The following KIAA1217 variants were observed in gnomAD, a reference collection of about 807,000 sequenced individuals.
The protein encoded by KIAA1217 is sickle tail protein homolog.
KIAA1217 carries 88 observed loss-of-function variants against 163.9 expected under a neutral mutation model. The ratio of observed to expected loss-of-function variants is 0.54; its 90% CI spans 0.45 to 0.64. KIAA1217 has a LOEUF of 0.64. Ranked by LOEUF, KIAA1217 falls within the 30% of genes least tolerant of loss-of-function variation. The probability of loss-of-function intolerance (pLI) is 0.00; values close to 1 mark genes in which losing one functional copy is unlikely to be tolerated. For missense variants in KIAA1217, 2,372 were observed against 2,475.0 expected, an observed-to-expected ratio of 0.96 and a Z score of 0.88; for synonymous variants, 903 against 923.1, an observed-to-expected ratio of 0.98 and a Z score of 0.39.
chr10:24,385,552 A>T (rs1040129701), intron 3 of KIAA1217, among the ~76,000 whole-genome samples: 1 of 152,156 alleles, frequency 6.6e-6, no homozygotes, highest in Admixed American at 6.6e-5. Flanking sequence ...AGAGCCTAGA[A>T]ATTTACAAAG....
chr10:24,124,951 G>A (rs1362598824), intron 2 of KIAA1217, among the ~76,000 whole-genome samples: 3 of 152,136 alleles, frequency 2.0e-5, no homozygotes, highest in African/African-American at 7.2e-5. Context: ...TGTTTTTACA[G>A]CATTAGATTT....
At chr10:24,172,505 G>C (rs926069687) in intron 2 of KIAA1217, among the ~76,000 whole-genome samples, 1 of 152,272 alleles carries the variant, frequency 6.6e-6, no homozygotes, top group Non-Finnish European at 1.5e-5. Flanking sequence ...CCTTAGAAAA[G>C]TTGCTTAGCC....
intron 2 of KIAA1217, among the ~76,000 whole-genome samples, chr10:24,359,810 G>A (rs2049701648): frequency 2.0e-5 from 3 of 151,894 alleles, no homozygotes; most frequent in Non-Finnish European, 4.4e-5. Context: ...AGGTCTTTGA[G>A]GCTTTATATT....
At position 24,040,557 on chromosome 10, in the gene KIAA1217, T is replaced by C. The variant is rs957574079; in HGVS notation, c.-171+33183T>C. 6.6e-5 allele frequency among the ~76,000 whole-genome samples: 10 copies of C among 152,232 alleles called. 2 individuals are homozygous for C. The highest frequency in any genetic ancestry group is 6.5e-4 in the Admixed American group (10 of 15,280). ...AGTAAAAGGGCTAGCTTAAATTTTG[T>C]AGTTATGCTTTACTAAATTTAATGG... On this transcript the variant is annotated intron_variant, in intron 2 of 18. Coordinates refer to the KIAA1217 transcript ENST00000376462.
intron 3 of KIAA1217, among the ~76,000 whole-genome samples, chr10:24,414,588 A>G (rs1477424636): frequency 6.6e-6 from 1 of 152,190 alleles, no homozygotes; most frequent in Non-Finnish European, 1.5e-5. Context: ...CTACCTCTGT[A>G]TGTAATGGGG....
In KIAA1217 at chr10:23,969,285, C is replaced by T. The variant is rs189216457; in HGVS notation, c.-320-37940C>T. ...TCCCGACCTTTGGTCGTCCACCTGCCTCGCCTCCCCAAGTGCTGGGATTAT... is the reference window on the plus strand; with the variant it reads ...TCCCGACCTTTGGTCGTCCACCTGCTTCGCCTCCCCAAGTGCTGGGATTAT... On this transcript the variant is annotated intron_variant, in intron 1 of 18. Transcript: ENST00000376462. Among the ~76,000 whole-genome samples, 239 of 152,320 alleles carry T rather than the reference C, an allele frequency of 1.6e-3. 2 individuals carry two copies. Among genetic ancestry groups the T allele is most frequent in the African/African-American group, 4.2e-3 (176 of 41,580 alleles).
At chr10:24,054,704 T>A (rs1226021055) in intron 2 of KIAA1217, among the ~76,000 whole-genome samples, 1 of 152,012 alleles carries the variant, frequency 6.6e-6, no homozygotes, top group Non-Finnish European at 1.5e-5. Flanking sequence ...CATCATAGAG[T>A]ATACTTAAAT....
At chr10:23,724,000 A>G (rs957501622) in intron 1 of KIAA1217, among the ~76,000 whole-genome samples, 1 of 152,192 alleles carries the variant, frequency 6.6e-6, no homozygotes, top group Non-Finnish European at 1.5e-5. Flanking sequence ...GGCATCTTAC[A>G]TGACAGGAGC....
intron 2 of KIAA1217, among the ~76,000 whole-genome samples, chr10:24,117,470 T>A (rs1169714650): frequency 6.6e-6 from 1 of 151,830 alleles, no homozygotes; most frequent in East Asian, 1.9e-4. Flanking sequence ...TGATGCCCCA[T>A]CTCTACAAAA....
intron 1 of KIAA1217, among the ~76,000 whole-genome samples, chr10:23,774,477 C>T (rs1834927210): frequency 6.6e-6 from 1 of 152,178 alleles, no homozygotes; most frequent in South Asian, 2.1e-4. Context: ...GACCCAGGGG[C>T]TTGGCGCCCT....
intron 2 of KIAA1217, among the ~76,000 whole-genome samples, chr10:24,026,261 T>A (rs1847934295): frequency 6.6e-6 from 1 of 152,034 alleles, no homozygotes; most frequent in South Asian, 2.1e-4. Context: ...CTGGTCTTGA[T>A]ATCATGATAA....
chr10:24,238,235 C>A (rs2072554910), intron 2 of KIAA1217, among the ~76,000 whole-genome samples: 1 of 152,204 alleles, frequency 6.6e-6, no homozygotes, highest in South Asian at 2.1e-4. Context: ...CAGCTCCCTG[C>A]TGAGTTCCTC....
intron 2 of KIAA1217, among the ~76,000 whole-genome samples, chr10:24,034,892 C>T (rs142435322): frequency 2.6e-5 from 4 of 152,308 alleles, no homozygotes; most frequent in Admixed American, 6.5e-5. Context: ...CATGACACGA[C>T]GCTCATGCAC....
intron 5 of KIAA1217, among the ~76,000 whole-genome samples, chr10:24,452,852 T>A (rs1349799883): frequency 1.3e-5 from 2 of 152,188 alleles, no homozygotes; most frequent in Non-Finnish European, 2.9e-5. Flanking sequence ...CCATTTACCC[T>A]GATGCGATTA....
chr10:24,225,046 C>G lies in KIAA1217; in HGVS notation c.354+5137C>G, dbSNP rs190736361. 3.3e-5 allele frequency among the ~76,000 whole-genome samples: 5 copies of G among 151,972 alleles called. No homozygotes were observed. The East Asian group carries it at 7.8e-4, about 24-fold the overall frequency. On this transcript the variant is annotated intron_variant, in intron 2 of 20. Transcript: ENST00000376454. Reference sequence around the variant, plus strand: ...TTCACTGTGTTAGCCAGGATGGTCTCGATCTCCTGACATTGTGATCTGCCC... The same window carrying G: ...TTCACTGTGTTAGCCAGGATGGTCTGGATCTCCTGACATTGTGATCTGCCC...
At chr10:24,321,034 G>A (rs528506731) in intron 2 of KIAA1217, among the ~76,000 whole-genome samples, 11 of 149,446 alleles carry the variant, frequency 7.4e-5, no homozygotes, top group African/African-American at 2.2e-4. Context: ...GCAACAGAGC[G>A]AGACTCCATC....
chr10:24,111,051 T>C (rs2062826009), intron 2 of KIAA1217, among the ~76,000 whole-genome samples: 1 of 152,228 alleles, frequency 6.6e-6, no homozygotes, highest in Admixed American at 6.5e-5. Flanking sequence ...ATGATTGTAT[T>C]GTGTGGTTTG....
At chr10:23,892,980 T>TG (rs1195366351) in intron 1 of KIAA1217, among the ~76,000 whole-genome samples, 2 of 152,010 alleles carry the variant, frequency 1.3e-5, no homozygotes. Context: ...TGCCCGGCTT[T>TG]GGTATCAGGA....
chr10:23,710,224 T>G (rs1837165895), intron 1 of KIAA1217, among the ~76,000 whole-genome samples: 1 of 152,198 alleles, frequency 6.6e-6, no homozygotes, highest in South Asian at 2.1e-4. Context: ...GCATTACAAT[T>G]CAGGCCAGTG....
Sources: gnomAD v4.1 joint callset for allele counts (sites outside exome capture counted in the v4.1 genomes callset) on GRCh38, gnomAD v4.1.1 for gene constraint, MANE v1.5 for transcripts, NCBI Gene and HGNC (gene_info 2026-07-23, HGNC 2026-07-21) for gene names.